The following SOX6 variants were observed in gnomAD, a reference collection of about 807,000 sequenced individuals.
SOX6 encodes the protein transcription factor SOX-6.
In SOX6, 11 loss-of-function variants were observed where a neutral mutation model predicts 97.8. The ratio of observed to expected loss-of-function variants is 0.11; its 90% CI spans 0.07 to 0.19. The LOEUF (loss-of-function observed/expected upper bound fraction) is 0.19, where lower values mean the gene tolerates loss of function less well. Among genes scored for constraint, SOX6 ranks in the 10% least tolerant of loss-of-function variants. The pLI is 1.00. For missense variants in SOX6, 810 were observed against 1,039.5 expected (o/e 0.78, Z 3.04); for synonymous variants, 360 against 371.4 (o/e 0.97, Z 0.35).
chr11:16,308,584 A>C (rs994902362), intron 3 of SOX6, among the ~76,000 whole-genome samples: 4 of 152,198 alleles, frequency 2.6e-5, no homozygotes, highest in African/African-American at 9.6e-5. Context: ...GGCCAGAAAA[A>C]TGTCTATTTC....
intron 15 of SOX6, among the ~76,000 whole-genome samples, chr11:15,985,106 C>T (rs189546496): frequency 6.6e-6 from 1 of 152,322 alleles, no homozygotes; most frequent in Admixed American, 6.5e-5. Flanking sequence ...TGCACAGATT[C>T]ATGACCCAGA....
At chr11:16,015,940 C>T (rs1854869522) in intron 12 of SOX6, among the ~76,000 whole-genome samples, 1 of 152,042 alleles carries the variant, frequency 6.6e-6, no homozygotes, top group Non-Finnish European at 1.5e-5. Context: ...GTCATGTCAG[C>T]TTGAATTTAC....
At chr11:16,374,074 A>G (rs1357202290) in intron 1 of SOX6, among the ~76,000 whole-genome samples, 1 of 152,096 alleles carries the variant, frequency 6.6e-6, no homozygotes, top group African/African-American at 2.4e-5. Flanking sequence ...TGCAGATATT[A>G]TCTCAAAATA....
At chr11:16,646,520 T>C (rs1849017848) in intron 3 of SOX6, among the ~76,000 whole-genome samples, 2 of 152,060 alleles carry the variant, frequency 1.3e-5, no homozygotes, top group Admixed American at 1.3e-4. Flanking sequence ...TGGTATTTGG[T>C]TACTTGAGTA....
intron 9 of SOX6, among the ~76,000 whole-genome samples, chr11:16,074,779 A>C (rs1438429578): frequency 6.6e-6 from 1 of 152,216 alleles, no homozygotes; most frequent in African/African-American, 2.4e-5. Context: ...ATATTGTTAA[A>C]ATGGCCATAC....
chr11:16,151,185 A>T (rs772834208), intron 6 of SOX6, among the ~76,000 whole-genome samples: 2 of 152,096 alleles, frequency 1.3e-5, no homozygotes, highest in Non-Finnish European at 2.9e-5. Context: ...AACATCTAAG[A>T]TGATTTAAAA....
intron 4 of SOX6, among the ~76,000 whole-genome samples, chr11:16,211,522 C>T (rs1323697857): frequency 6.6e-6 from 1 of 151,838 alleles, no homozygotes; most frequent in Non-Finnish European, 1.5e-5. Flanking sequence ...AGGGATAGTG[C>T]TGTATCCAGG....
In SOX6 at chr11:16,522,909, T is replaced by C. The variant is rs1311913143; in HGVS notation, n.610-46521A>G. 2.6e-5 allele frequency among the ~76,000 whole-genome samples: 4 copies of C among 152,078 alleles called. No individual in the cohort carries two copies. In the East Asian group the frequency reaches 7.7e-4, roughly 29 times the overall value. On this transcript the variant is annotated intron_variant and non_coding_transcript_variant, in intron 4 of 5. Coordinates refer to the SOX6 transcript ENST00000524520. The stretch of plus-strand genomic sequence containing the variant: ...AGGCCATTACATAATGCTAAAGAGA[T>C]CAATTCAACAAGAAGAGCTAACTAT...
chr11:16,089,378 A>G (rs1040942463), intron 9 of SOX6, among the ~76,000 whole-genome samples: 2 of 152,126 alleles, frequency 1.3e-5, no homozygotes, highest in Non-Finnish European at 2.9e-5. Flanking sequence ...GAAAGGTAGG[A>G]ACATATATAA....
At chr11:16,718,612 A>G (rs917101100) in intron 2 of SOX6, among the ~76,000 whole-genome samples, 1 of 152,190 alleles carries the variant, frequency 6.6e-6, no homozygotes, top group African/African-American at 2.4e-5. Context: ...ATGCCAAGAA[A>G]CAAGTCTGAA....
intron 1 of SOX6, among the ~76,000 whole-genome samples, chr11:16,362,518 T>C (rs902086526): frequency 6.6e-6 from 1 of 151,610 alleles, no homozygotes; most frequent in South Asian, 2.1e-4. Context: ...ACCTAGAAAA[T>C]GGAAAATAAA....
chr11:16,329,640 C>T (rs1167378791), intron 2 of SOX6, among the ~76,000 whole-genome samples: 1 of 152,054 alleles, frequency 6.6e-6, no homozygotes, highest in South Asian at 2.1e-4. Context: ...AATAATAGTA[C>T]AGTAAAGAAT....
chr11:16,057,237 C>T (rs1318395274), intron 9 of SOX6, among the ~76,000 whole-genome samples: 1 of 152,134 alleles, frequency 6.6e-6, no homozygotes, highest in Non-Finnish European at 1.5e-5. Context: ...ATGCTTCTCT[C>T]TCCAATCTCT....
At chr11:16,206,602 C>T (rs78382516) in intron 4 of SOX6, among the ~76,000 whole-genome samples, 1,560 of 152,198 alleles carry the variant, frequency 0.01, 27 homozygotes, top group African/African-American at 0.035. Flanking sequence ...TTGTATAGAT[C>T]AAGTGAGTTA....
intron 12 of SOX6, among the ~76,000 whole-genome samples, chr11:16,023,752 G>A (rs944700858): frequency 4.6e-5 from 7 of 152,086 alleles, no homozygotes; most frequent in African/African-American, 1.7e-4. Context: ...AAGGGTAATA[G>A]AATAAACTGT....
intron 4 of SOX6, among the ~76,000 whole-genome samples, chr11:16,522,887 C>CCA (rs1565171205): frequency 6.6e-6 from 1 of 152,122 alleles, no homozygotes. Context: ...ACAAAGAAGG[C>CCA]CATTACATAA....
intron 3 of SOX6, among the ~76,000 whole-genome samples, chr11:16,637,446 C>T (rs1365735062): frequency 6.6e-6 from 1 of 152,106 alleles, no homozygotes; most frequent in Non-Finnish European, 1.5e-5. Flanking sequence ...GTCTTGAACT[C>T]CTGACCTTGA....
At chr11:16,265,574 G>A (rs887127650) in intron 3 of SOX6, among the ~76,000 whole-genome samples, 11 of 151,836 alleles carry the variant, frequency 7.2e-5, no homozygotes, top group African/African-American at 2.7e-4. Flanking sequence ...GTGCAGAGAA[G>A]CAGGAAAATA....
chr11:16,448,294 C>CTT lies in SOX6; in HGVS notation c.-5+28019_-5+28020dup, dbSNP rs1859651829. ...TATTGCCAAGCACCTTTCCCCTACA[C>CTT]TTTGAGCTCATGTGTTTCCTTGGGA... On this transcript the variant is annotated intron_variant, in intron 1 of 15. Coordinates refer to the SOX6 transcript ENST00000396356. 2.0e-5 allele frequency among the ~76,000 whole-genome samples: 3 copies of CTT among 152,318 alleles called. No homozygotes were observed. In the South Asian group the frequency reaches 6.2e-4, roughly 32 times the overall value.
Sources: gnomAD v4.1 joint callset for allele counts (sites outside exome capture counted in the v4.1 genomes callset) on GRCh38, gnomAD v4.1.1 for gene constraint, MANE v1.5 for transcripts, NCBI Gene and HGNC (gene_info 2026-07-23, HGNC 2026-07-21) for gene names.